RFX3: variants seen among roughly 807,000 people sequenced by gnomAD.
RFX3 encodes regulatory factor X3.
In RFX3, 14 loss-of-function variants were observed where a neutral mutation model predicts 98.6. That is an observed-to-expected ratio of 0.14 (90% CI 0.09 to 0.22). The LOEUF is 0.22. Among genes scored for constraint, RFX3 ranks in the 10% least tolerant of loss-of-function variants. The probability of loss-of-function intolerance (pLI) is 1.00; values close to 1 mark genes in which losing one functional copy is unlikely to be tolerated. For synonymous variants in RFX3, 383 were observed against 328.4 expected, an observed-to-expected ratio of 1.17 and a Z score of -1.80; for missense variants, 639 against 926.9, an observed-to-expected ratio of 0.69 and a Z score of 4.03.
At position 3,281,273 on chromosome 9, in the gene RFX3, C is replaced by G. The variant is rs866841460; in HGVS notation, c.852-3812G>C. On this transcript the variant is annotated intron_variant, in intron 7 of 16. Coordinates refer to ENST00000617270, the MANE Select transcript of RFX3 (RefSeq NM_001282116.2). ...TGTAGATTTTCTGATTCTCTATACT[C>G]TTCATAAAATAATCACCATAAACTT... 1.3e-4 allele frequency among the ~76,000 whole-genome samples: 20 copies of G among 151,228 alleles called. No individual in the cohort carries two copies. In the Middle Eastern group the frequency reaches 0.01, roughly 77 times the overall value.
intron 12 of RFX3, 95 bp downstream of exon 12, chr9:3,266,113 A>T (rs1586803104): frequency 1.5e-6 from 1 of 653,972 alleles, no homozygotes; most frequent in Non-Finnish European, 2.5e-6. Flanking sequence ...TAACCTCAAC[A>T]TTTTACATAA....
intron 3 of RFX3, among the ~76,000 whole-genome samples, chr9:3,342,723 C>A (rs1834029495): frequency 6.6e-6 from 1 of 152,094 alleles, no homozygotes; most frequent in Non-Finnish European, 1.5e-5. Context: ...TGAACTCTCT[C>A]TACATGGTAT....
intron 1 of RFX3, among the ~76,000 whole-genome samples, chr9:3,419,834 A>G (rs540004422): frequency 1.3e-5 from 2 of 152,318 alleles, no homozygotes; most frequent in South Asian, 4.1e-4. Flanking sequence ...AGAATGTTTA[A>G]TAATTTTTTA....
chr9:3,430,995 G>C (rs1844607627), intron 1 of RFX3, among the ~76,000 whole-genome samples: 1 of 152,164 alleles, frequency 6.6e-6, no homozygotes, highest in African/African-American at 2.4e-5. Flanking sequence ...ACCATTTGCA[G>C]TCAAGAGAAG....
intron 1 of RFX3, chr9:3,452,313 A>C (rs748923790): frequency 4.0e-6 from 1 of 250,032 alleles, no homozygotes; most frequent in South Asian, 3.5e-5. Flanking sequence ...ACTAATGGCC[A>C]GGCACATTGG....
chr9:3,352,188 T>C (rs1228846528), intron 2 of RFX3, among the ~76,000 whole-genome samples: 1 of 152,028 alleles, frequency 6.6e-6, no homozygotes, highest in African/African-American at 2.4e-5. Context: ...ACAGTATGAT[T>C]AGCTTTGTGT....
chr9:3,344,797 C>A (rs767009697), intron 3 of RFX3: 51 of 693,250 alleles, frequency 7.4e-5, no homozygotes, highest in Admixed American at 2.4e-4. Flanking sequence ...AAGTGGCAGG[C>A]GTCTTTTTCA....
At chr9:3,480,532 CAACTAA>C (rs1407181207) in intron 1 of RFX3, among the ~76,000 whole-genome samples, 3 of 152,168 alleles carry the variant, frequency 2.0e-5, no homozygotes, top group Non-Finnish European at 4.4e-5. Context: ...ATGTAATAGA[CAACTAA>C]AACATTCAGG....
chr9:3,407,547 G>A (rs1842076705), intron 1 of RFX3, among the ~76,000 whole-genome samples: 2 of 152,172 alleles, frequency 1.3e-5, no homozygotes, highest in South Asian at 2.1e-4. Context: ...AAGTCAAGGA[G>A]CAACATGTTG....
At chr9:3,389,884 T>A (rs1482605345) in intron 2 of RFX3, among the ~76,000 whole-genome samples, 1 of 152,188 alleles carries the variant, frequency 6.6e-6, no homozygotes, top group Non-Finnish European at 1.5e-5. Context: ...ATATTCGCCC[T>A]GTACATAGTA....
intron 1 of RFX3, among the ~76,000 whole-genome samples, chr9:3,438,326 T>A (rs1361922207): frequency 6.6e-6 from 1 of 152,132 alleles, no homozygotes; most frequent in African/African-American, 2.4e-5. Flanking sequence ...ACATTAGACT[T>A]CAGTCTTGAA....
At chr9:3,411,831 G>A (rs1842491427) in intron 1 of RFX3, among the ~76,000 whole-genome samples, 4 of 151,840 alleles carry the variant, frequency 2.6e-5, no homozygotes, top group South Asian at 2.1e-4. Flanking sequence ...CCAATTATAC[G>A]GACCTAGTCA....
At position 3,366,697 on chromosome 9, in the gene RFX3, T is replaced by C. The variant is rs113858361; in HGVS notation, c.118-19933A>G. On this transcript the variant is annotated intron_variant, in intron 2 of 16. Transcript: ENST00000617270. ...CTCTTTCTTTCTTCTTTCTTTCCTTTCTTTCTTTCTTTCTTTCTTTCTTTC... is the reference window on the plus strand; with the variant it reads ...CTCTTTCTTTCTTCTTTCTTTCCTTCCTTTCTTTCTTTCTTTCTTTCTTTC... Among the ~76,000 whole-genome samples, 565 of 67,306 alleles carry C rather than the reference T, an allele frequency of 8.4e-3. 10 individuals are homozygous for C. The highest frequency in any genetic ancestry group is 0.034 in the African/African-American group (456 of 13,260). 44.2% of individuals were successfully genotyped at this position (67,306 alleles called of 152,430 possible).
At chr9:3,326,635 A>G (rs1323325106) in intron 4 of RFX3, among the ~76,000 whole-genome samples, 1 of 152,132 alleles carries the variant, frequency 6.6e-6, no homozygotes, top group Admixed American at 6.6e-5. Flanking sequence ...GGCCTCCAGC[A>G]CCATCCATGT....
intron 2 of RFX3, among the ~76,000 whole-genome samples, chr9:3,366,465 T>C (rs1371148940): frequency 6.6e-6 from 1 of 152,214 alleles, no homozygotes; most frequent in Non-Finnish European, 1.5e-5. Flanking sequence ...ACTATTTTAC[T>C]ATTAAAGAAC....
intron 14 of RFX3, among the ~76,000 whole-genome samples, chr9:3,248,808 C>T (rs1821012304): frequency 6.6e-6 from 1 of 151,780 alleles, no homozygotes; most frequent in Admixed American, 6.6e-5. Context: ...TAGAAATAAG[C>T]ACAATAAAAT....
chr9:3,432,509 C>G (rs1276028829), intron 1 of RFX3, among the ~76,000 whole-genome samples: 1 of 152,062 alleles, frequency 6.6e-6, no homozygotes, highest in African/African-American at 2.4e-5. Context: ...ATAACTCTGC[C>G]CAGACTTTGT....
chr9:3,507,260 T>G (rs1212044315), intron 1 of RFX3, among the ~76,000 whole-genome samples: 4 of 151,826 alleles, frequency 2.6e-5, no homozygotes, highest in Non-Finnish European at 5.9e-5. Flanking sequence ...AAGAGATTAA[T>G]TGAAGTAGGG....
At chr9:3,335,687 G>T (rs1026134701) in intron 3 of RFX3, among the ~76,000 whole-genome samples, 3 of 152,176 alleles carry the variant, frequency 2.0e-5, no homozygotes, top group African/African-American at 7.2e-5. Flanking sequence ...TATAGCAGAA[G>T]AGAAATCTTT....
Sources: gnomAD v4.1 joint callset for allele counts (sites outside exome capture counted in the v4.1 genomes callset) on GRCh38, gnomAD v4.1.1 for gene constraint, MANE v1.5 for transcripts, NCBI Gene and HGNC (gene_info 2026-07-23, HGNC 2026-07-21) for gene names.